The following WNT5A variants were observed in gnomAD, a reference collection of about 807,000 sequenced individuals.
The protein encoded by WNT5A is Wnt family member 5A, also known as protein Wnt-5a.
In WNT5A, 9 loss-of-function variants were observed where a neutral mutation model predicts 42.1. The ratio of observed to expected loss-of-function variants is 0.21; its 90% CI spans 0.13 to 0.37. WNT5A has a LOEUF of 0.37. Ranked by LOEUF, WNT5A falls within the 10% of genes least tolerant of loss-of-function variation. The pLI is 1.00. For missense variants in WNT5A, 426 were observed against 534.0 expected (o/e 0.80, Z 1.99); for synonymous variants, 210 against 210.0 (o/e 1.00, Z 0.00).
rs867434502 is a variant in WNT5A, at chr3:55,469,046, G to A, written c.*1046C>T. The A allele has an allele frequency of 6.6e-6, 1 of 152,220 alleles. No homozygotes were observed. Among genetic ancestry groups the A allele is most frequent in the African/African-American group, 2.4e-5 (1 of 41,442 alleles). The allele number at this position is 152,220 out of a possible 1,614,324, so 9.4% of individuals were successfully genotyped here. On this transcript the variant is annotated 3_prime_UTR_variant, in exon 5 of 5. Transcript: ENST00000264634. The stretch of plus-strand genomic sequence containing the variant: ...GGCCAGCATCACATCACAACACGGA[G>A]GAATCAGAGAGGGCTCAGTGTGAAG...
At chr3:55,504,184 G>A in the WNT5A span, among the ~76,000 whole-genome samples, 3 of 152,002 alleles carry the variant, frequency 2.0e-5, no homozygotes, top group Non-Finnish European at 4.4e-5. Flanking sequence ...AGGCAGGATT[G>A]CTTGAGCCTG....
chr3:55,481,409 C>G lies in WNT5A; in HGVS notation c.7-491G>C, dbSNP rs189015671. The G allele has an allele frequency of 1.4e-4, 137 of 985,208 alleles. No homozygotes were observed. The East Asian group carries it at 0.013, about 93-fold the overall frequency. The allele number at this position is 985,208 out of a possible 1,614,324, so 61.0% of individuals were successfully genotyped here. On this transcript the variant is annotated intron_variant, in intron 1 of 4. Transcript: ENST00000264634. ...GGAGGCGAGTGGAGCGCGCTGCCGC[C>G]AGAGGCTGCCAAGGAGGCGGGGTGG... is the stretch of plus-strand genomic sequence containing the variant.
chr3:55,470,336 A>G lies in WNT5A; in HGVS notation c.899T>C (p.Val300Ala). The G allele has an allele frequency of 1.2e-6, 2 of 1,614,034 alleles. No homozygotes were observed. Among genetic ancestry groups the G allele is most frequent in the East Asian group, 2.2e-5 (1 of 44,890 alleles). Reference protein sequence around the residue: ...RFNSPTTQDLVYIDPSPDYCV... With the variant: ...RFNSPTTQDLAYIDPSPDYCV... The stretch of plus-strand genomic sequence containing the variant: ...GTAGTCAGGGCTGGGGTCGATGTAG[A>G]CCAGGTCTTGTGTGGTGGGCGAGTT... The change falls in exon 5 of 5, where the codon GTC becomes GCC. Residue 300 changes from valine to alanine, a missense_variant. Physicochemically the swap from Val to Ala is moderately conservative, Grantham distance 64. Transcript: ENST00000264634.
chr3:55,487,070 T>TG lies in WNT5A; in HGVS notation c.-86dup, dbSNP rs1257999342. On this transcript the variant is annotated 5_prime_UTR_variant, in exon 1 of 5. Transcript: ENST00000264634. ...CCGAGCGGAGCGACCGGGTTAAGCCTGGGGGGACGGTCAGGAGCAGGGCTG... is the reference window on the plus strand; with the variant it reads ...CCGAGCGGAGCGACCGGGTTAAGCCTGGGGGGGACGGTCAGGAGCAGGGCTG... The TG allele has an allele frequency of 5.6e-6, 7 of 1,240,414 alleles. No individual in the cohort carries two copies. The highest frequency in any genetic ancestry group is 1.5e-5 in the African/African-American group (1 of 67,362). 76.8% of individuals were successfully genotyped at this position (1,240,414 alleles called of 1,614,324 possible).
chr3:55,491,910 C>T (rs1231268507), upstream of WNT5A, among the ~76,000 whole-genome samples: 1 of 152,214 alleles, frequency 6.6e-6, no homozygotes, highest in South Asian at 2.1e-4. Flanking sequence ...GGAAAGGGGT[C>T]GGGGGCTTCC....
At chr3:55,497,216 A>C in the WNT5A span, among the ~76,000 whole-genome samples, 1 of 152,212 alleles carries the variant, frequency 6.6e-6, no homozygotes, top group Non-Finnish European at 1.5e-5. Flanking sequence ...CATATCCTGG[A>C]TGTTACTGCT....
At chr3:55,504,989 G>A in the WNT5A span, among the ~76,000 whole-genome samples, 2 of 152,080 alleles carry the variant, frequency 1.3e-5, no homozygotes, top group African/African-American at 4.8e-5. Context: ...CACCCAGTAG[G>A]CTGTAAGATT....
Position 55,479,490 on chromosome 3 carries a change from A to G in WNT5A, c.215T>C (p.Leu72Pro). Reference sequence around the variant, plus strand: ...CTTCTGTCCTTGAGAAAGTCCTGCCAGTTGGCTGCAGAGAGGCTGTGCTCC... The same window carrying G: ...CTTCTGTCCTTGAGAAAGTCCTGCCGGTTGGCTGCAGAGAGGCTGTGCTCC... ...IIGAQPLCSQ[L>P]AGLSQGQKKL... The change falls in exon 3 of 5, where the codon CTG becomes CCG. Residue 72 changes from leucine to proline, a missense_variant. Physicochemically the swap from Leu to Pro is moderately conservative, Grantham distance 98. Transcript: ENST00000264634. 2 of 1,614,014 alleles carry G rather than the reference A, an allele frequency of 1.2e-6. No individual in the cohort carries two copies. The highest frequency in any genetic ancestry group is 1.7e-6 in the Non-Finnish European group (2 of 1,179,886).
the WNT5A span, among the ~76,000 whole-genome samples, chr3:55,502,824 T>C: frequency 6.6e-6 from 1 of 152,356 alleles, no homozygotes; most frequent in Admixed American, 6.5e-5. Flanking sequence ...TAAATTCTTA[T>C]AGATGTGTGA....
the WNT5A span, among the ~76,000 whole-genome samples, chr3:55,504,427 C>G: frequency 1.1e-4 from 17 of 151,352 alleles, no homozygotes; most frequent in Non-Finnish European, 2.1e-4. Context: ...TGATGTGAAA[C>G]TGGATTAATG....
At chr3:55,491,097 G>A (rs1008567198), upstream of WNT5A, among the ~76,000 whole-genome samples, 4 of 152,152 alleles carry the variant, frequency 2.6e-5, no homozygotes, top group Non-Finnish European at 5.9e-5. Context: ...ACAACCACAC[G>A]AATGGGCGAA....
chr3:55,466,594 A>G lies in WNT5A; in HGVS notation c.*3498T>C, dbSNP rs2051147402. 1 of 152,594 alleles carries G rather than the reference A, an allele frequency of 6.6e-6. No individual in the cohort carries two copies. 9.5% of individuals were successfully genotyped at this position (152,594 alleles called of 1,614,324 possible). A position where few individuals can be genotyped will look rare whatever the true frequency, so the allele number is the denominator to read the frequency against. ...ATTAAAACTTAAAAGTCTTCTTTCT[A>G]TTTGAGCCCATAATGACTATTTTGA... is the stretch of plus-strand genomic sequence containing the variant. On this transcript the variant is annotated 3_prime_UTR_variant, in exon 5 of 5. Transcript: ENST00000264634.
Position 55,470,357 on chromosome 3 carries a change from G to A in WNT5A, c.878C>T (p.Ser293Leu), listed in dbSNP as rs759194223. The A allele has an allele frequency of 1.1e-5, 18 of 1,613,940 alleles. No homozygotes were observed. Among genetic ancestry groups the A allele is most frequent in the Non-Finnish European group, 1.5e-5 (18 of 1,179,910 alleles). The change falls in exon 5 of 5, where the codon TCG becomes TTG. Residue 293 changes from serine (S) to leucine (L), a missense_variant. Coordinates refer to ENST00000264634, the MANE Select transcript of WNT5A (RefSeq NM_003392.7). ...KLVQVNSRFN[S>L]PTTQDLVYID... ...GTAGACCAGGTCTTGTGTGGTGGGC[G>A]AGTTGAAGCGGCTGTTGACCTGTAC...
At chr3:55,478,773 A>T (rs1456473995) in intron 3 of WNT5A, among the ~76,000 whole-genome samples, 1 of 152,208 alleles carries the variant, frequency 6.6e-6, no homozygotes, top group Non-Finnish European at 1.5e-5. Flanking sequence ...ACTTTTAATT[A>T]AAATTCTTTC....
upstream of WNT5A, among the ~76,000 whole-genome samples, chr3:55,491,392 C>A (rs970772581): frequency 6.6e-6 from 1 of 152,134 alleles, no homozygotes; most frequent in Non-Finnish European, 1.5e-5. Flanking sequence ...GGGTGTGTGC[C>A]TCAGATTGAG....
chr3:55,486,525 C>T (rs2051581972), intron 1 of WNT5A, among the ~76,000 whole-genome samples: 1 of 152,260 alleles, frequency 6.6e-6, no homozygotes. Context: ...CGGGTTCTCT[C>T]AACCAAGGAG....
upstream of WNT5A, among the ~76,000 whole-genome samples, chr3:55,488,680 G>C (rs1306875828): frequency 1.3e-5 from 2 of 151,946 alleles, no homozygotes; most frequent in African/African-American, 4.8e-5. Context: ...AAAGAGAGAG[G>C]TCCACTCCGC....
upstream of WNT5A, among the ~76,000 whole-genome samples, chr3:55,491,418 C>G (rs1463015534): frequency 6.6e-6 from 1 of 152,194 alleles, no homozygotes; most frequent in Non-Finnish European, 1.5e-5. Flanking sequence ...CGAAGATATA[C>G]TGGCAAGGCA....
At chr3:55,504,639 T>G in the WNT5A span, among the ~76,000 whole-genome samples, 4 of 152,172 alleles carry the variant, frequency 2.6e-5, no homozygotes, top group Non-Finnish European at 5.9e-5. Context: ...TCATTTTGTA[T>G]TTTTAGTAGA....
Sources: allele counts gnomAD v4.1 joint callset (sites outside exome capture counted in the v4.1 genomes callset), GRCh38; gene constraint gnomAD v4.1.1; transcripts MANE v1.5; gene names NCBI Gene and HGNC (gene_info 2026-07-23, HGNC 2026-07-21).